Variants in MAN2A1 observed in about 807,000 individuals in gnomAD.
The protein encoded by MAN2A1 is mannosidase alpha class 2A member 1, also known as alpha-mannosidase 2.
Under a neutral mutation model 142.6 loss-of-function variants are expected in MAN2A1, and 76 were observed. That is an observed-to-expected ratio of 0.53 (90% CI 0.44 to 0.65). The LOEUF (loss-of-function observed/expected upper bound fraction) is 0.65. MAN2A1 is among the 30% of genes least tolerant of loss of function. The pLI, the probability that MAN2A1 is intolerant of heterozygous loss-of-function variation, is 0.00. For synonymous variants in MAN2A1, 559 were observed against 473.2 expected (o/e 1.18, Z -2.35); for missense variants, 1,311 against 1,365.1 (o/e 0.96, Z 0.62).
intron 1 of MAN2A1, among the ~76,000 whole-genome samples, 192 bp downstream of exon 1, chr5:109,690,744 A>G (rs1417554324): frequency 6.6e-6 from 1 of 152,054 alleles, no homozygotes; most frequent in Non-Finnish European, 1.5e-5. Flanking sequence ...CCAAGTTAAC[A>G]AAGTGCTGGG....
chr5:109,708,697 A>G (rs896914468), intron 1 of MAN2A1, among the ~76,000 whole-genome samples: 2 of 152,160 alleles, frequency 1.3e-5, no homozygotes, highest in Admixed American at 6.5e-5. Flanking sequence ...AGAGAAGCCA[A>G]TAGTGGAGCT....
rs553678256 is a variant in MAN2A1 at position 109,760,204 on chromosome 5, C to T, written c.835+4748C>T. Among the ~76,000 whole-genome samples the T allele has an allele frequency of 1.6e-4, 25 of 152,132 alleles. No homozygotes were observed. The East Asian group carries it at 3.9e-3, about 23-fold the overall frequency. On this transcript the variant is annotated intron_variant, in intron 5 of 21. Transcript: ENST00000261483. ...TCTGTGTCCATGTGTTCTCATTGTT[C>T]GACTCCCACTTATGAGTGAGAACAT...
chr5:109,718,487 C>T (rs1196435135), intron 3 of MAN2A1, among the ~76,000 whole-genome samples: 2 of 152,158 alleles, frequency 1.3e-5, no homozygotes, highest in Non-Finnish European at 2.9e-5. Flanking sequence ...TAACAAGGGG[C>T]ACCAGAATAC....
chr5:109,713,805 C>CGTT (rs199806853), intron 2 of MAN2A1, 31 bp downstream of exon 2: 16 of 1,384,950 alleles, frequency 1.2e-5, no homozygotes, highest in South Asian at 3.2e-5. Context: ...TAATCACTGG[C>CGTT]CTTTTTTTTT....
At position 109,855,341 on chromosome 5, in the gene MAN2A1, C is replaced by T; in HGVS notation, c.3171+7C>T. ...GAGAACAATACAGTCAAAGGTATGT[C>T]TCAAAATATATCTTATAAAAAATTA... On this transcript the variant is annotated splice_region_variant and intron_variant, in intron 20 of 21. Transcript: ENST00000261483. The T allele has an allele frequency of 6.6e-7, 1 of 1,517,766 alleles. No homozygotes were observed. Among genetic ancestry groups the T allele is most frequent in the Non-Finnish European group, 8.8e-7 (1 of 1,133,858 alleles). 94.0% of individuals were successfully genotyped at this position (1,517,766 alleles called of 1,614,324 possible).
chr5:109,714,347 C>T (rs1203044084), intron 2 of MAN2A1, among the ~76,000 whole-genome samples: 1 of 152,038 alleles, frequency 6.6e-6, no homozygotes, highest in Non-Finnish European at 1.5e-5. Context: ...GTGTTTCAAA[C>T]TTAGTGTGCA....
chr5:109,757,483 G>A (rs920198613), intron 5 of MAN2A1, among the ~76,000 whole-genome samples: 2 of 152,054 alleles, frequency 1.3e-5, no homozygotes, highest in African/African-American at 4.8e-5. Flanking sequence ...TTGTCCATGA[G>A]TTTTGTTTGA....
At chr5:109,738,233 GTT>G (rs70999941) in intron 4 of MAN2A1, among the ~76,000 whole-genome samples, 2,634 of 122,536 alleles carry the variant, frequency 0.021, 30 homozygotes, top group Middle Eastern at 0.072. Context: ...GGTATTTTAT[GTT>G]TTTTTTTTTT....
intron 16 of MAN2A1, among the ~76,000 whole-genome samples, chr5:109,837,571 G>C (rs573360392): frequency 5.9e-4 from 90 of 152,092 alleles, no homozygotes; most frequent in Non-Finnish European, 1.2e-3. Context: ...CTCAGCTTAG[G>C]GTCAGGAAGA....
intron 1 of MAN2A1, among the ~76,000 whole-genome samples, chr5:109,713,307 AG>A (rs1751354334): frequency 6.6e-6 from 1 of 152,162 alleles, no homozygotes; most frequent in Non-Finnish European, 1.5e-5. Context: ...GATTAAGCAA[AG>A]ATTGCAGCCG....
intron 5 of MAN2A1, among the ~76,000 whole-genome samples, chr5:109,763,507 T>C (rs1280101531): frequency 1.3e-5 from 2 of 150,012 alleles, no homozygotes; most frequent in African/African-American, 5.0e-5. Flanking sequence ...TTTAAGTTTT[T>C]TTTAAAATTT....
intron 5 of MAN2A1, among the ~76,000 whole-genome samples, chr5:109,756,366 T>C (rs902114901): frequency 5.3e-5 from 8 of 152,096 alleles, no homozygotes; most frequent in Admixed American, 1.3e-4. Flanking sequence ...CTTTCAAATA[T>C]TTTATATCTC....
At chr5:109,784,570 T>C (rs1227983318) in intron 9 of MAN2A1, among the ~76,000 whole-genome samples, 174 bp from the exon 10 acceptor site, 2 of 152,204 alleles carry the variant, frequency 1.3e-5, no homozygotes, top group Non-Finnish European at 2.9e-5. Flanking sequence ...CGTAAATGTG[T>C]TATACGGGAT....
chr5:109,690,114 C>G lies in MAN2A1; in HGVS notation c.-304C>G. ...TCCTCCGCCTGCCCCGCGCGCCCTG[C>G]CGGAGGTCGGCGCTGAGCTTGCGAT... On this transcript the variant is annotated 5_prime_UTR_variant, in exon 1 of 22. Coordinates refer to ENST00000261483, the MANE Select transcript of MAN2A1 (RefSeq NM_002372.4). 3.2e-6 allele frequency: 1 copy of G among 314,406 alleles called. No individual in the cohort carries two copies. Among genetic ancestry groups the G allele is most frequent in the Non-Finnish European group, 6.0e-6 (1 of 166,532 alleles). The allele number at this position is 314,406 out of a possible 1,614,324, so 19.5% of individuals were successfully genotyped here. A position where few individuals can be genotyped will look rare whatever the true frequency, so the allele number is the denominator to read the frequency against.
chr5:109,742,070 T>C (rs762640699), intron 4 of MAN2A1, among the ~76,000 whole-genome samples: 3 of 152,248 alleles, frequency 2.0e-5, no homozygotes, highest in Non-Finnish European at 2.9e-5. Flanking sequence ...TGAACCCTTA[T>C]TGAGAGTCAG....
At chr5:109,740,414 G>A (rs1025730614) in intron 4 of MAN2A1, among the ~76,000 whole-genome samples, 27 of 152,310 alleles carry the variant, frequency 1.8e-4, no homozygotes, top group Admixed American at 7.8e-4. Flanking sequence ...TGTGTGGCCT[G>A]TAAGCCAGGT....
intron 2 of MAN2A1, 30 bp downstream of exon 2, chr5:109,713,804 G>GA: frequency 1.3e-6 from 2 of 1,490,708 alleles, no homozygotes; most frequent in South Asian, 2.7e-5. Context: ...ATAATCACTG[G>GA]CCTTTTTTTT....
chr5:109,812,699 A>G (rs1754351042), intron 12 of MAN2A1, among the ~76,000 whole-genome samples: 1 of 152,178 alleles, frequency 6.6e-6, no homozygotes, highest in African/African-American at 2.4e-5. Context: ...CATTTGCCCC[A>G]TCTTTACAAA....
Position 109,851,307 on chromosome 5 carries a change from T to A in MAN2A1, c.2976+3517T>A, listed in dbSNP as rs551073981. Among the ~76,000 whole-genome samples the A allele has an allele frequency of 2.0e-5, 3 of 152,326 alleles. No individual in the cohort carries two copies. In the East Asian group the frequency reaches 5.8e-4, roughly 29 times the overall value. Reference sequence around the variant, plus strand: ...AGCCAATAGAAATGGAAAATAGGATTCATCTCTTTGGCATTGCCAGGGTTT... The same window carrying A: ...AGCCAATAGAAATGGAAAATAGGATACATCTCTTTGGCATTGCCAGGGTTT... On this transcript the variant is annotated intron_variant, in intron 19 of 21. Transcript: ENST00000261483.
Sources: allele counts gnomAD v4.1 joint callset (sites outside exome capture counted in the v4.1 genomes callset), GRCh38; gene constraint gnomAD v4.1.1; transcripts MANE v1.5; gene names NCBI Gene and HGNC (gene_info 2026-07-23, HGNC 2026-07-21).